The following SORCS2 variants were observed in gnomAD, a reference collection of about 807,000 sequenced individuals.
SORCS2 encodes sortilin related VPS10 domain containing receptor 2, also known as VPS10 domain-containing receptor SorCS2.
SORCS2 carries 100 observed loss-of-function variants against 141.6 expected under a neutral mutation model. That is an observed-to-expected ratio of 0.71 (90% CI 0.60 to 0.83). SORCS2 has a LOEUF of 0.83. SORCS2 is among the 40% of genes least tolerant of loss of function. The pLI is 0.00. For missense variants in SORCS2, 1,646 were observed against 1,560.2 expected, an observed-to-expected ratio of 1.05 and a Z score of -0.93; for synonymous variants, 789 against 676.9, an observed-to-expected ratio of 1.17 and a Z score of -2.57.
chr4:7,214,043 T>G (rs1027278971), intron 1 of SORCS2, among the ~76,000 whole-genome samples: 1 of 152,182 alleles, frequency 6.6e-6, no homozygotes, highest in Non-Finnish European at 1.5e-5. Context: ...CTGGGGTGTC[T>G]GTTTACAGGA....
At chr4:7,737,981 G>A (rs900342555) in intron 26 of SORCS2, among the ~76,000 whole-genome samples, 3 of 152,252 alleles carry the variant, frequency 2.0e-5, no homozygotes, top group Admixed American at 1.3e-4. Context: ...TCCCAGCATG[G>A]CGGCTGACTT....
At chr4:7,543,821 T>TCTACCC in intron 3 of SORCS2, among the ~76,000 whole-genome samples, 1 of 4,296 alleles carries the variant, frequency 2.3e-4, no homozygotes, top group African/African-American at 4.0e-4. Flanking sequence ...TCCATCCATC[T>TCTACCC]ACCCATCTGT....
At chr4:7,456,433 A>G (rs951250588) in intron 2 of SORCS2, among the ~76,000 whole-genome samples, 2 of 152,074 alleles carry the variant, frequency 1.3e-5, no homozygotes, top group African/African-American at 2.4e-5. Flanking sequence ...CCACCTTTAC[A>G]TGCATTTTTT....
chr4:7,373,477 T>TATATA (rs1399174075), intron 1 of SORCS2, among the ~76,000 whole-genome samples: 2 of 66,498 alleles, frequency 3.0e-5, no homozygotes, highest in African/African-American at 1.7e-4. Flanking sequence ...TATATATATA[T>TATATA]ATTTTTTTTT....
At chr4:7,330,520 G>C (rs934406682) in intron 1 of SORCS2, among the ~76,000 whole-genome samples, 1 of 151,608 alleles carries the variant, frequency 6.6e-6, no homozygotes. Context: ...GAGCGAGTCT[G>C]TGTCACCCTG....
chr4:7,483,360 C>G (rs1038237768), intron 2 of SORCS2, among the ~76,000 whole-genome samples: 1 of 150,620 alleles, frequency 6.6e-6, no homozygotes, highest in Non-Finnish European at 1.5e-5. Flanking sequence ...GAGAAAGCCA[C>G]GTGACGGATG....
intron 1 of SORCS2, among the ~76,000 whole-genome samples, chr4:7,354,394 C>A (rs1423400936): frequency 6.6e-6 from 1 of 152,016 alleles, no homozygotes; most frequent in Non-Finnish European, 1.5e-5. Flanking sequence ...GCTTTCTCCC[C>A]CAAGAAAGAC....
At chr4:7,407,951 T>A (rs989501988) in intron 2 of SORCS2, among the ~76,000 whole-genome samples, 12 of 152,138 alleles carry the variant, frequency 7.9e-5, no homozygotes, top group East Asian at 1.9e-4. Flanking sequence ...ACAAAAAAAA[T>A]TATGCCCTTT....
At chr4:7,646,843 C>T (rs1721113768) in intron 4 of SORCS2, among the ~76,000 whole-genome samples, 1 of 152,202 alleles carries the variant, frequency 6.6e-6, no homozygotes, top group Admixed American at 6.5e-5. Context: ...TCAGCTAATA[C>T]AGCTTCCTGT....
At chr4:7,235,811 A>G (rs370810873) in intron 1 of SORCS2, among the ~76,000 whole-genome samples, 24 of 152,202 alleles carry the variant, frequency 1.6e-4, no homozygotes, top group African/African-American at 5.6e-4. Flanking sequence ...TTTGCTGCAA[A>G]GGTGAGATGC....
intron 1 of SORCS2, among the ~76,000 whole-genome samples, chr4:7,392,888 C>G (rs1431921612): frequency 1.5e-5 from 1 of 65,128 alleles, no homozygotes; most frequent in Non-Finnish European, 3.2e-5. Context: ...TAATATGGGC[C>G]CCTCCCAGTC....
chr4:7,381,014 A>G (rs527982733), intron 1 of SORCS2, among the ~76,000 whole-genome samples: 106 of 147,882 alleles, frequency 7.2e-4, no homozygotes, highest in East Asian at 4.3e-3. Flanking sequence ...CCCGGGAGGC[A>G]GAGGTTTCAG....
chr4:7,553,732 A>G (rs1370115708), intron 3 of SORCS2, among the ~76,000 whole-genome samples: 2 of 152,234 alleles, frequency 1.3e-5, no homozygotes, highest in Admixed American at 1.3e-4. Flanking sequence ...ACACATATCA[A>G]AAACATGTTT....
intron 11 of SORCS2, among the ~76,000 whole-genome samples, chr4:7,695,924 ATTGGTGGGTGGG>A: frequency 2.1e-5 from 1 of 47,762 alleles, no homozygotes; most frequent in Admixed American, 1.9e-4. Flanking sequence ...GGATGGATGG[ATTGGTGGGTGGG>A]TGGGTGGATG....
chr4:7,466,007 A>C (rs1346302838), intron 2 of SORCS2, among the ~76,000 whole-genome samples: 1 of 152,142 alleles, frequency 6.6e-6, no homozygotes, highest in Non-Finnish European at 1.5e-5. Flanking sequence ...GGTTGATAGA[A>C]ATTTTTTATT....
chr4:7,539,035 G>C (rs1210471429), intron 3 of SORCS2, among the ~76,000 whole-genome samples: 4 of 152,212 alleles, frequency 2.6e-5, no homozygotes, highest in African/African-American at 9.6e-5. Context: ...ACAGGTGAAA[G>C]AAATTGAGGC....
chr4:7,541,470 C>G (rs1712652815), intron 3 of SORCS2, among the ~76,000 whole-genome samples: 1 of 152,238 alleles, frequency 6.6e-6, no homozygotes. Context: ...CTGGGCAAGA[C>G]TGGCCATCAG....
chr4:7,467,005 C>T (rs993160725), intron 2 of SORCS2, among the ~76,000 whole-genome samples: 1 of 152,072 alleles, frequency 6.6e-6, no homozygotes, highest in African/African-American at 2.4e-5. Context: ...GGCTCTTTGG[C>T]TTGGAGCACA....
chr4:7,204,917 G>A (rs1485376948), intron 1 of SORCS2, among the ~76,000 whole-genome samples: 3 of 152,182 alleles, frequency 2.0e-5, no homozygotes, highest in East Asian at 1.9e-4. Context: ...AAGGGTAACC[G>A]TTTGCCTTCC....
Sources: gnomAD v4.1 joint callset for allele counts (sites outside exome capture counted in the v4.1 genomes callset) on GRCh38, gnomAD v4.1.1 for gene constraint, MANE v1.5 for transcripts, NCBI Gene and HGNC (gene_info 2026-07-23, HGNC 2026-07-21) for gene names.